The following USP36 variants were observed in gnomAD, a reference collection of about 807,000 sequenced individuals.
USP36 encodes the protein ubiquitin specific peptidase 36, also known as ubiquitin carboxyl-terminal hydrolase 36.
In USP36, 59 loss-of-function variants were observed where a neutral mutation model predicts 111.5. That is an observed-to-expected ratio of 0.53 (90% CI 0.43 to 0.66). USP36 has a LOEUF of 0.66. Ranked by LOEUF, USP36 falls within the 30% of genes least tolerant of loss-of-function variation. USP36 has a pLI of 0.00. For missense variants in USP36, 1,488 were observed against 1,468.0 expected, an observed-to-expected ratio of 1.01 and a Z score of -0.22; for synonymous variants, 628 against 581.0, an observed-to-expected ratio of 1.08 and a Z score of -1.16.
intron 16 of USP36, 84 bp from the exon 17 acceptor site, chr17:78,802,619 A>G: frequency 3.7e-6 from 5 of 1,355,588 alleles, no homozygotes; most frequent in Non-Finnish European, 5.0e-6. Context: ...TGCAACATGG[A>G]GAAGGTGCCA....
In USP36 at chr17:78,836,129, G is replaced by T. The variant is rs561220117; in HGVS notation, c.235C>A (p.Pro79Thr). The change falls in exon 3 of 21, where the codon CCA becomes ACA. Residue 79 changes from proline (P) to threonine (T), a missense_variant. By Grantham distance (38) the Pro-to-Thr change is conservative. This residue lies in a region of USP36 where 219 missense variants were observed against 209.5 expected (regional missense o/e 1.05). Transcript: ENST00000449938. Reference protein sequence around the residue: ...GASRHKSGDDPPARRQGSEHT... With the variant: ...GASRHKSGDDTPARRQGSEHT... Reference sequence around the variant, plus strand: ...TCTGTACCCTGTCTCCTGGCCGGTGGGTCATCTCCACTCTTGTGGCGACTA... The same window carrying T: ...TCTGTACCCTGTCTCCTGGCCGGTGTGTCATCTCCACTCTTGTGGCGACTA... The T allele has an allele frequency of 1.2e-6, 2 of 1,613,572 alleles. No individual in the cohort carries two copies. The highest frequency in any genetic ancestry group is 4.5e-5 in the East Asian group (2 of 44,892).
chr17:78,808,742 T>C (rs2093978289), intron 13 of USP36, among the ~76,000 whole-genome samples: 1 of 152,116 alleles, frequency 6.6e-6, no homozygotes, highest in Non-Finnish European at 1.5e-5. Context: ...TTATTCTGTA[T>C]TTAGATGCTG....
At chr17:78,832,992 T>C (rs568803421) in intron 4 of USP36, among the ~76,000 whole-genome samples, 7 of 152,018 alleles carry the variant, frequency 4.6e-5, no homozygotes, top group Non-Finnish European at 7.4e-5. Flanking sequence ...CTACTAAAAA[T>C]ACAAAATTAG....
rs970476022 is a variant in USP36, at chr17:78,799,005, T to C, written c.3143A>G (p.Lys1048Arg). The C allele has an allele frequency of 6.2e-7, 1 of 1,614,078 alleles. No homozygotes were observed. The highest frequency in any genetic ancestry group is 1.1e-5 in the South Asian group (1 of 91,086). Residue 1048 changes from lysine to arginine, a missense_variant, in exon 19 of 21, where the codon AAG (lysine) becomes AGG (arginine). Lys to Arg is a conservative substitution (Grantham distance 26). Around this residue, in one of 3 missense-constraint regions of USP36, gnomAD observed 1,073 missense variants for 994.1 expected, o/e 1.08. Coordinates refer to ENST00000449938, the MANE Select transcript of USP36 (RefSeq NM_001385174.1). ...YGRKVLTWDG[K>R]MSAVSQDAIE... The stretch of plus-strand genomic sequence containing the variant: ...AGCATCCTGACTGACCGCCGACATC[T>C]TGCCATCCCAGGTCAGAACTACCAG...
Position 78,803,565 on chromosome 17 carries a change from T to G in USP36, c.2630A>C (p.Glu877Ala), listed in dbSNP as rs2093810654. 6.2e-7 allele frequency: 1 copy of G among 1,613,292 alleles called. No individual in the cohort carries two copies. Among genetic ancestry groups the G allele is most frequent in the African/African-American group, 1.3e-5 (1 of 74,908 alleles). ...GACAGCGGGCAGCTGTGCCTGGCCC[T>G]CCCTCCTGTACATGGGGCTCCCAGG... ...RQPGSPMYRREGQAQLPAVRR... is the reference protein window; with the variant it reads ...RQPGSPMYRRAGQAQLPAVRR... The change falls in exon 16 of 21, where the codon GAG becomes GCG. Residue 877 changes from glutamate (E) to alanine (A), a missense_variant. Glu to Ala is a moderately radical substitution (Grantham distance 107, BLOSUM62 -1). Coordinates refer to ENST00000449938, the MANE Select transcript of USP36 (RefSeq NM_001385174.1). This position sits in a 1 kb window ranked among gnomAD's most constrained non-coding sequence, Gnocchi z 4.6.
intron 17 of USP36, among the ~76,000 whole-genome samples, chr17:78,800,414 C>T (rs1392269405): frequency 6.6e-6 from 1 of 152,254 alleles, no homozygotes; most frequent in Non-Finnish European, 1.5e-5. Flanking sequence ...GGGACCAGGA[C>T]AGCACTCACC....
chr17:78,794,563 G>A (rs1156427170), downstream of USP36, among the ~76,000 whole-genome samples: 2 of 152,170 alleles, frequency 1.3e-5, no homozygotes, highest in African/African-American at 2.4e-5. Context: ...CCTGCGAGAC[G>A]ACGTGAGTGT....
chr17:78,813,903 AAAAC>A (rs777864848), intron 11 of USP36, 30 bp from the exon 12 acceptor site: 1 of 1,593,360 alleles, frequency 6.3e-7, no homozygotes. Flanking sequence ...TGCAGAAAAC[AAAAC>A]AATCAACAAG....
In USP36 at chr17:78,807,609, GCTT is replaced by G. The variant is rs2089972253; in HGVS notation, c.1432_1434del (p.Lys478del). The G allele has an allele frequency of 1.9e-6, 3 of 1,541,298 alleles. No homozygotes were observed. The highest frequency in any genetic ancestry group is 2.6e-6 in the Non-Finnish European group (3 of 1,144,888). ...ACACCAATCTCTTCAGTGGTGTGCG[GCTT>G]CTTCATCGTCCCAGAGTCTTGTCGC... On this transcript the variant is annotated inframe_deletion, in exon 14 of 21. Coordinates refer to ENST00000449938, the MANE Select transcript of USP36 (RefSeq NM_001385174.1).
At position 78,798,247 on chromosome 17, in the gene USP36, C is replaced by T. The variant is rs371428435; in HGVS notation, c.*20+153G>A. ...AAGTGACTAGGACACACACCACAGA[C>T]GCGCCCACACCACACACACCACCCA... On this transcript the variant is annotated intron_variant, in intron 20 of 20. Coordinates refer to ENST00000449938, the MANE Select transcript of USP36 (RefSeq NM_001385174.1). This position sits in a 1 kb window ranked among gnomAD's most constrained non-coding sequence, Gnocchi z 5.1. The T allele has an allele frequency of 5.5e-4, 538 of 981,642 alleles. 6 individuals are homozygous for T. In the African/African-American group the frequency reaches 7.9e-3, roughly 14 times the overall value. 60.8% of individuals were successfully genotyped at this position (981,642 alleles called of 1,614,324 possible). A position where few individuals can be genotyped will look rare whatever the true frequency, so the allele number is the denominator to read the frequency against.
rs931681416 is a variant in USP36 at position 78,803,683 on chromosome 17, C to T, written c.2512G>A (p.Ala838Thr). ...RLPQHIREAT[A>T]APHGKRKRKK... ...CTCTTCCTCTTCCCGTGGGGAGCCG[C>T]AGTGGCCTCCCTGATGTGCTGTGGG... Residue 838 changes from alanine to threonine, a missense_variant, in exon 16 of 21, where the codon GCG becomes ACG. By Grantham distance (58) the Ala-to-Thr change is moderately conservative (BLOSUM62 0). Coordinates refer to ENST00000449938, the MANE Select transcript of USP36 (RefSeq NM_001385174.1). This position sits in a 1 kb window ranked among gnomAD's most constrained non-coding sequence, Gnocchi z 4.6. 1.2e-6 allele frequency: 2 copies of T among 1,610,622 alleles called. No homozygotes were observed. The highest frequency in any genetic ancestry group is 1.7e-6 in the Non-Finnish European group (2 of 1,179,518).
At chr17:78,817,009 T>C (rs980532306) in intron 10 of USP36, among the ~76,000 whole-genome samples, 21 of 152,212 alleles carry the variant, frequency 1.4e-4, no homozygotes, top group African/African-American at 5.1e-4. Flanking sequence ...CCACATAACA[T>C]GTTTTGGTCA....
At chr17:78,795,367 A>G (rs1384859127), downstream of USP36, among the ~76,000 whole-genome samples, 3 of 152,236 alleles carry the variant, frequency 2.0e-5, no homozygotes, top group Admixed American at 6.5e-5. The surrounding 1 kb of genome is among the most constrained non-coding windows in gnomAD (Gnocchi z 4.5). Context: ...AAGTTGCTAA[A>G]GGGAGATGCG....
At chr17:78,821,859 T>C in intron 7 of USP36, 78 bp downstream of exon 7, 1 of 1,538,230 alleles carries the variant, frequency 6.5e-7, no homozygotes, top group Admixed American at 1.7e-5. Flanking sequence ...AGCCCCAGCC[T>C]GCGTTCCAAC....
chr17:78,803,447 C>G lies in USP36; in HGVS notation c.2748G>C (p.Arg916Ser). ...CACCAAGACCTTCTGCTCCTTTCCT[C>G]CTCCGCTTCCTGCTGCTCGCGTGGT... ...DGHHASSRKR[R>S]RKGAEGLGEE... Residue 916 changes from arginine (R) to serine (S), a missense_variant, in exon 16 of 21, where the codon AGG becomes AGC. Arg to Ser is a moderately radical substitution (Grantham distance 110). Transcript: ENST00000449938. This position sits in a 1 kb window ranked among gnomAD's most constrained non-coding sequence, Gnocchi z 4.6. The G allele has an allele frequency of 6.2e-7, 1 of 1,614,192 alleles. No individual in the cohort carries two copies. Among genetic ancestry groups the G allele is most frequent in the South Asian group, 1.1e-5 (1 of 91,088 alleles).
Position 78,803,551 on chromosome 17 carries a change from G to T in USP36, c.2644C>A (p.Leu882Met), listed in dbSNP as rs1447509673. 1 of 1,613,544 alleles carries T rather than the reference G, an allele frequency of 6.2e-7. No homozygotes were observed. Among genetic ancestry groups the T allele is most frequent in the East Asian group, 2.2e-5 (1 of 44,864 alleles). The change falls in exon 16 of 21, where the codon CTG (leucine) becomes ATG (methionine). Residue 882 changes from leucine to methionine, a missense_variant. Physicochemically the swap from Leu to Met is conservative, Grantham distance 15. This residue lies in a region of USP36 where 1,073 missense variants were observed against 994.1 expected (regional missense o/e 1.08). Coordinates refer to ENST00000449938, the MANE Select transcript of USP36 (RefSeq NM_001385174.1). This position sits in a 1 kb window ranked among gnomAD's most constrained non-coding sequence, Gnocchi z 4.6. The stretch of plus-strand genomic sequence containing the variant: ...TCTTCCTGCCGTCTGACAGCGGGCA[G>T]CTGTGCCTGGCCCTCCCTCCTGTAC... ...PMYRREGQAQ[L>M]PAVRRQEDGT...
At chr17:78,837,123 T>C (rs1186397923) in intron 2 of USP36, among the ~76,000 whole-genome samples, 1 of 152,168 alleles carries the variant, frequency 6.6e-6, no homozygotes, top group African/African-American at 2.4e-5. Context: ...ATTATGAAAA[T>C]GAATTTCACC....
In USP36 at chr17:78,803,686, T is replaced by C; in HGVS notation, c.2509A>G (p.Thr837Ala). 1 of 1,610,740 alleles carries C rather than the reference T, an allele frequency of 6.2e-7. No individual in the cohort carries two copies. Among genetic ancestry groups the C allele is most frequent in the Non-Finnish European group, 8.5e-7 (1 of 1,179,534 alleles). The stretch of plus-strand genomic sequence containing the variant: ...TTCCTCTTCCCGTGGGGAGCCGCAG[T>C]GGCCTCCCTGATGTGCTGTGGGAGG... ...TRLPQHIREATAAPHGKRKRK... is the reference protein window; with the variant it reads ...TRLPQHIREAAAAPHGKRKRK... The change falls in exon 16 of 21, where the codon ACT becomes GCT. Residue 837 changes from threonine (T) to alanine (A), a missense_variant. By Grantham distance (58) the Thr-to-Ala change is moderately conservative (BLOSUM62 0). Coordinates refer to ENST00000449938, the MANE Select transcript of USP36 (RefSeq NM_001385174.1). The surrounding 1 kb of genome is among the most constrained non-coding windows in gnomAD (Gnocchi z 4.6).
chr17:78,835,986 T>C (rs1393544935), intron 3 of USP36, 125 bp downstream of exon 3: 12 of 1,356,686 alleles, frequency 8.8e-6, no homozygotes, highest in South Asian at 1.5e-5. Context: ...ACTGACCCCA[T>C]GTAAAAATTC....
Sources: allele counts gnomAD v4.1 joint callset (sites outside exome capture counted in the v4.1 genomes callset), GRCh38; gene constraint gnomAD v4.1.1; regional missense constraint gnomAD v4.1.1; non-coding constraint Gnocchi (gnomAD v3.1); transcripts MANE v1.5; gene names NCBI Gene and HGNC (gene_info 2026-07-23, HGNC 2026-07-21).